PAN3: variants seen among roughly 807,000 people sequenced by gnomAD.
PAN3 encodes the protein poly(A) specific ribonuclease subunit PAN3.
PAN3 carries 19 observed loss-of-function variants against 96.2 expected under a neutral mutation model. The ratio of observed to expected loss-of-function variants is 0.20; its 90% CI spans 0.14 to 0.29. PAN3 has a LOEUF of 0.29. PAN3 is among the 10% of genes least tolerant of loss of function. The pLI is 1.00. For synonymous variants in PAN3, 433 were observed against 406.6 expected (o/e 1.06, Z -0.78); for missense variants, 882 against 1,108.1 (o/e 0.80, Z 2.90).
intron 9 of PAN3, among the ~76,000 whole-genome samples, chr13:28,264,941 A>G (rs1886034483): frequency 6.6e-6 from 1 of 152,168 alleles, no homozygotes; most frequent in South Asian, 2.1e-4. Flanking sequence ...TACCTCTTAC[A>G]TGTTTTGTAT....
rs1869917205 is a variant in PAN3, at chr13:28,292,801, T to G, written c.*279T>G. On this transcript the variant is annotated 3_prime_UTR_variant, in exon 19 of 19. Coordinates refer to ENST00000380958, the MANE Select transcript of PAN3 (RefSeq NM_175854.8). ...ATGTTCCTGCTTTTGTTTTTTCCACTTGTATATGCACTAATTTTAATTTTT... is the reference window on the plus strand; with the variant it reads ...ATGTTCCTGCTTTTGTTTTTTCCACGTGTATATGCACTAATTTTAATTTTT... The G allele has an allele frequency of 4.2e-6, 1 of 238,282 alleles. No homozygotes were observed. The highest frequency in any genetic ancestry group is 5.6e-5 in the Admixed American group (1 of 17,708). The allele number at this position is 238,282 out of a possible 1,614,324, so 14.8% of individuals were successfully genotyped here. A position where few individuals can be genotyped will look rare whatever the true frequency, so the allele number is the denominator to read the frequency against.
At position 28,188,212 on chromosome 13, in the gene PAN3, C is replaced by T. The variant is rs1213009925; in HGVS notation, c.691-8973C>T. On this transcript the variant is annotated intron_variant, in intron 4 of 18. Transcript: ENST00000380958. ...GTACATCAATTGAGAAATCTCTGGC[C>T]TAGGATTTATTATATATTTATTTCA... Among the ~76,000 whole-genome samples the T allele has an allele frequency of 2.0e-5, 3 of 151,658 alleles. No homozygotes were observed. The East Asian group carries it at 5.8e-4, about 29-fold the overall frequency.
At chr13:28,285,072 C>A (rs1346621152) in intron 17 of PAN3, among the ~76,000 whole-genome samples, 1 of 152,088 alleles carries the variant, frequency 6.6e-6, no homozygotes, top group African/African-American at 2.4e-5. Context: ...TGAGTGTATT[C>A]TTAGGTATTT....
At chr13:28,240,173 T>C (rs1883524828) in intron 6 of PAN3, 2 of 152,126 alleles carry the variant, frequency 1.3e-5, no homozygotes, top group South Asian at 4.1e-4. Flanking sequence ...TAATAAGATA[T>C]AATGAATTTT....
At chr13:28,191,468 G>T (rs1232284556) in intron 4 of PAN3, among the ~76,000 whole-genome samples, 1 of 152,102 alleles carries the variant, frequency 6.6e-6, no homozygotes, top group Non-Finnish European at 1.5e-5. Context: ...TGGGTACTTG[G>T]TGCTTAGTGG....
At chr13:28,289,710 T>A (rs2138765168) in intron 18 of PAN3, among the ~76,000 whole-genome samples, 1 of 152,124 alleles carries the variant, frequency 6.6e-6, no homozygotes, top group Non-Finnish European at 1.5e-5. Flanking sequence ...TGAAACCCCG[T>A]CCCTACTAAA....
In PAN3 at chr13:28,191,818, C is replaced by T. The variant is rs115825275; in HGVS notation, c.691-5367C>T. Among the ~76,000 whole-genome samples, 1,057 of 152,232 alleles carry T rather than the reference C, an allele frequency of 6.9e-3. 14 individuals carry two copies. The highest frequency in any genetic ancestry group is 0.024 in the African/African-American group (995 of 41,540). ...TTTTGAGAGATGAGACATGTCACTGCAGCCTTGACCTCCTGGGCTCAAGCG... is the reference window on the plus strand; with the variant it reads ...TTTTGAGAGATGAGACATGTCACTGTAGCCTTGACCTCCTGGGCTCAAGCG... On this transcript the variant is annotated intron_variant, in intron 4 of 18. Coordinates refer to ENST00000380958, the MANE Select transcript of PAN3 (RefSeq NM_175854.8).
chr13:28,144,211 GTTTTTTTTTTTT>G (rs972669575), intron 1 of PAN3, among the ~76,000 whole-genome samples: 15 of 101,558 alleles, frequency 1.5e-4, no homozygotes, highest in South Asian at 9.7e-4. Context: ...AAGTTTTTTT[GTTTTTTTTTTTT>G]TTTTTTTTTT....
chr13:28,262,832 A>G (rs1885849443), intron 9 of PAN3, among the ~76,000 whole-genome samples: 1 of 152,220 alleles, frequency 6.6e-6, no homozygotes. Context: ...GTTTTGCAAT[A>G]TCAGTATGTA....
intron 6 of PAN3, among the ~76,000 whole-genome samples, chr13:28,222,758 TTTA>T (rs1380365717): frequency 6.6e-6 from 1 of 152,174 alleles, no homozygotes; most frequent in Non-Finnish European, 1.5e-5. Flanking sequence ...GGTGATTTAG[TTTA>T]TTTTTAATTC....
chr13:28,240,351 A>G (rs556372439), intron 6 of PAN3, among the ~76,000 whole-genome samples: 43 of 152,294 alleles, frequency 2.8e-4, no homozygotes, highest in African/African-American at 1.0e-3. Flanking sequence ...GATACAGTGG[A>G]TTGTCTTTTT....
chr13:28,278,978 C>A (rs929354503), intron 15 of PAN3, among the ~76,000 whole-genome samples: 2 of 151,576 alleles, frequency 1.3e-5, no homozygotes, highest in African/African-American at 4.9e-5. Flanking sequence ...GAGCTTACAC[C>A]CTAATGGGAA....
intron 5 of PAN3, chr13:28,215,577 T>C (rs1332770671): frequency 9.2e-6 from 7 of 758,606 alleles, no homozygotes; most frequent in Non-Finnish European, 1.6e-5. Context: ...CAGTGCTGTC[T>C]ATGCCCTTGT....
chr13:28,165,725 C>G (rs571921745), intron 1 of PAN3, among the ~76,000 whole-genome samples: 23 of 152,172 alleles, frequency 1.5e-4, no homozygotes, highest in African/African-American at 4.1e-4. Flanking sequence ...TCTCAGAGTT[C>G]TGGAGGCTGG....
intron 1 of PAN3, among the ~76,000 whole-genome samples, chr13:28,151,892 C>T (rs1241846289): frequency 6.6e-6 from 1 of 152,112 alleles, no homozygotes; most frequent in African/African-American, 2.4e-5. Context: ...TAGGTAGATA[C>T]AAGTCTGGAG....
Position 28,138,765 on chromosome 13 carries a change from C to T in PAN3, c.108C>T (p.Val36=). 2 of 1,346,874 alleles carry T rather than the reference C, an allele frequency of 1.5e-6. No homozygotes were observed. Among genetic ancestry groups the T allele is most frequent in the Non-Finnish European group, 1.9e-6 (2 of 1,053,302 alleles). 83.4% of individuals were successfully genotyped at this position (1,346,874 alleles called of 1,614,324 possible). A position where few individuals can be genotyped will look rare whatever the true frequency, so the allele number is the denominator to read the frequency against. The part of the protein sequence containing the change: ...AVVAPPGVGG[V]PGGAAVGVKL... ...TGGCCCCGCCGGGGGTCGGGGGTGTCCCCGGCGGGGCGGCGGTAGGAGTGA... is the reference window on the plus strand; with the variant it reads ...TGGCCCCGCCGGGGGTCGGGGGTGTTCCCGGCGGGGCGGCGGTAGGAGTGA... The change falls in exon 1 of 19, where the codon GTC becomes GTT. Residue 36 remains valine (V), a synonymous_variant. Coordinates refer to ENST00000380958, the MANE Select transcript of PAN3 (RefSeq NM_175854.8).
At chr13:28,181,526 AAAG>A (rs1875772331) in intron 4 of PAN3, among the ~76,000 whole-genome samples, 2 of 151,316 alleles carry the variant, frequency 1.3e-5, no homozygotes, top group Non-Finnish European at 2.9e-5. Flanking sequence ...AAAAAAAAAA[AAAG>A]GCCCAAAACA....
rs918467769 is a variant in PAN3, at chr13:28,258,901, C to T, written c.1249-1546C>T. Among the ~76,000 whole-genome samples, 49 of 152,100 alleles carry T rather than the reference C, an allele frequency of 3.2e-4. 1 individual carries two copies. Among genetic ancestry groups the T allele is most frequent in the Admixed American group, 2.0e-4 (3 of 15,274 alleles). On this transcript the variant is annotated intron_variant, in intron 7 of 18. Coordinates refer to ENST00000380958, the MANE Select transcript of PAN3 (RefSeq NM_175854.8). ...TATAATACCTAATGCAGTATAAGTG[C>T]TTTGTGAATAGTTGTTATAATGTAT...
chr13:28,162,189 G>C (rs1332933811), intron 1 of PAN3, among the ~76,000 whole-genome samples: 1 of 152,208 alleles, frequency 6.6e-6, no homozygotes, highest in Non-Finnish European at 1.5e-5. Context: ...TAAGTATACT[G>C]TTGAAGGTTA....
Sources: allele counts gnomAD v4.1 joint callset (sites outside exome capture counted in the v4.1 genomes callset), GRCh38; gene constraint gnomAD v4.1.1; transcripts MANE v1.5; gene names NCBI Gene and HGNC (gene_info 2026-07-23, HGNC 2026-07-21).